The following MYLIP variants were observed in gnomAD, a reference collection of about 807,000 sequenced individuals.
The protein encoded by MYLIP is E3 ubiquitin-protein ligase MYLIP.
Under a neutral mutation model 45.8 loss-of-function variants are expected in MYLIP, and 26 were observed. The ratio of observed to expected loss-of-function variants is 0.57; its 90% CI spans 0.42 to 0.79. The LOEUF is 0.79. Ranked by LOEUF, MYLIP falls within the 30% of genes least tolerant of loss-of-function variation. The probability of loss-of-function intolerance (pLI) is 0.00; values close to 1 mark genes in which losing one functional copy is unlikely to be tolerated. For synonymous variants in MYLIP, 213 were observed against 218.1 expected, an observed-to-expected ratio of 0.98 and a Z score of 0.21; for missense variants, 494 against 555.6, an observed-to-expected ratio of 0.89 and a Z score of 1.11.
the MYLIP span, among the ~76,000 whole-genome samples, chr6:16,159,224 T>G: frequency 6.6e-6 from 1 of 152,196 alleles, no homozygotes; most frequent in Non-Finnish European, 1.5e-5. Flanking sequence ...ATTATAACAA[T>G]TTCCCAAGAG....
Position 16,143,841 on chromosome 6 carries a change from A to G in MYLIP, c.805A>G (p.Thr269Ala), listed in dbSNP as rs1318197221. ...GGCCAGCGGGCTCTACCGAGCGATA[A>G]CAGAGACGCACGCATTCTACAGGCA... is the stretch of plus-strand genomic sequence containing the variant. ...RAASGLYRAI[T>A]ETHAFYRCDT... Residue 269 changes from threonine to alanine, a missense_variant, in exon 5 of 7, where the codon ACA (threonine) becomes GCA (alanine). Physicochemically the swap from Thr to Ala is moderately conservative, Grantham distance 58. Coordinates refer to ENST00000356840, the MANE Select transcript of MYLIP (RefSeq NM_013262.4). 6.2e-7 allele frequency: 1 copy of G among 1,613,328 alleles called. No individual in the cohort carries two copies. The highest frequency in any genetic ancestry group is 8.5e-7 in the Non-Finnish European group (1 of 1,179,868).
the MYLIP span, among the ~76,000 whole-genome samples, chr6:16,157,768 T>G: frequency 6.6e-6 from 1 of 152,260 alleles, no homozygotes; most frequent in Non-Finnish European, 1.5e-5. Flanking sequence ...GCAGATGTGA[T>G]GGGGGCTGAG....
At chr6:16,154,843 G>A in the MYLIP span, among the ~76,000 whole-genome samples, 6 of 152,198 alleles carry the variant, frequency 3.9e-5, 2 homozygotes, top group Middle Eastern at 0.02. Context: ...CCATTTTACA[G>A]CAATATATGT....
At chr6:16,134,729 A>C (rs1759516854) in intron 2 of MYLIP, among the ~76,000 whole-genome samples, 1 of 152,236 alleles carries the variant, frequency 6.6e-6, no homozygotes, top group Non-Finnish European at 1.5e-5. Flanking sequence ...GGAAAGTAAA[A>C]ACAGTAAAAG....
chr6:16,146,605 A>G, intron 6 of MYLIP, 57 bp from the exon 7 acceptor site: 1 of 1,408,304 alleles, frequency 7.1e-7, no homozygotes. Context: ...GCACAGAGAC[A>G]CAGGCCCCCC....
At chr6:16,146,288 A>C (rs780797698) in intron 6 of MYLIP, among the ~76,000 whole-genome samples, 3 of 152,382 alleles carry the variant, frequency 2.0e-5, no homozygotes, top group East Asian at 3.9e-4. Flanking sequence ...AGCTAAGGAC[A>C]CACAATTTCA....
At chr6:16,146,034 T>C (rs1759783293) in intron 6 of MYLIP, among the ~76,000 whole-genome samples, 1 of 152,252 alleles carries the variant, frequency 6.6e-6, no homozygotes, top group South Asian at 2.1e-4. Flanking sequence ...AAGCTGCTAA[T>C]TTCAGAGCTA....
chr6:16,130,431 T>A, intron 1 of MYLIP, 126 bp from the exon 2 acceptor site: 2 of 921,460 alleles, frequency 2.2e-6, no homozygotes, highest in East Asian at 4.9e-5. Flanking sequence ...TTTTCCAGTT[T>A]AGATCAGGAA....
chr6:16,140,041 C>T (rs957230606), intron 2 of MYLIP, among the ~76,000 whole-genome samples: 2 of 152,202 alleles, frequency 1.3e-5, no homozygotes, highest in African/African-American at 4.8e-5. Flanking sequence ...ACTGCCTCCT[C>T]CTTAGTCGAT....
chr6:16,130,675 T>C lies in MYLIP; in HGVS notation c.206T>C (p.Leu69Pro). The C allele has an allele frequency of 6.2e-7, 1 of 1,614,222 alleles. No homozygotes were observed. Among genetic ancestry groups the C allele is most frequent in the Non-Finnish European group, 8.5e-7 (1 of 1,180,046 alleles). Residue 69 changes from leucine (L) to proline (P), a missense_variant, in exon 2 of 7, where the codon CTA becomes CCA. Transcript: ENST00000356840. ...CGGATCTCCCAGCAGATGGATGGGC[T>C]AGCCCCTTACAGGCTTAAACTTAGA... ...RNRISQQMDG[L>P]APYRLKLRVK...
chr6:16,146,317 G>T (rs1276908255), intron 6 of MYLIP, among the ~76,000 whole-genome samples: 1 of 152,234 alleles, frequency 6.6e-6, no homozygotes, highest in African/African-American at 2.4e-5. Flanking sequence ...CTCCTGCATT[G>T]CTGCCTGAAG....
At chr6:16,159,663 C>T in the MYLIP span, among the ~76,000 whole-genome samples, 1 of 152,176 alleles carries the variant, frequency 6.6e-6, no homozygotes, top group East Asian at 1.9e-4. Context: ...CATCCTGAAT[C>T]CAGCCAGTCC....
In MYLIP at chr6:16,129,810, G is replaced by T. The variant is rs1442989117; in HGVS notation, c.87+401G>T. Among the ~76,000 whole-genome samples, 1 of 152,244 alleles carries T rather than the reference G, an allele frequency of 6.6e-6. No individual in the cohort carries two copies. The highest frequency in any genetic ancestry group is 2.4e-5 in the African/African-American group (1 of 41,482). On this transcript the variant is annotated intron_variant, in intron 1 of 6. Transcript: ENST00000356840. This position sits in a 1 kb window ranked among gnomAD's most constrained non-coding sequence, Gnocchi z 5.1. ...CACCCGCGTGCCAGGATGGGATGGA[G>T]TGGCTCGAAGCAGTCTCGGGCCCCA...
chr6:16,141,096 G>A lies in MYLIP; in HGVS notation c.279-529G>A, dbSNP rs748945573. Among the ~76,000 whole-genome samples, 9 of 152,276 alleles carry A rather than the reference G, an allele frequency of 5.9e-5. No homozygotes were observed. In the South Asian group the frequency reaches 8.3e-4, roughly 14 times the overall value. ...CTTGGGAAAGAATATATGGAGTTTG[G>A]TTTTGAATGAGCCAAAATTGAGGTA... is the stretch of plus-strand genomic sequence containing the variant. On this transcript the variant is annotated intron_variant, in intron 2 of 6. Coordinates refer to ENST00000356840, the MANE Select transcript of MYLIP (RefSeq NM_013262.4).
rs762986029 is a variant in MYLIP, at chr6:16,143,133, G to C, written c.578G>C (p.Arg193Pro). 16 of 1,614,040 alleles carry C rather than the reference G, an allele frequency of 9.9e-6. No individual in the cohort carries two copies. The highest frequency in any genetic ancestry group is 1.4e-5 in the Non-Finnish European group (16 of 1,180,038). ...ENYGIEWHSVRDSEGQKLLIG... is the reference protein window; with the variant it reads ...ENYGIEWHSVPDSEGQKLLIG... ...TATGGCATAGAATGGCATTCTGTGC[G>C]GGATAGCGAAGGGCAGAAACTGCTC... The change falls in exon 4 of 7, where the codon CGG becomes CCG. Residue 193 changes from arginine (R) to proline (P), a missense_variant. Physicochemically the swap from Arg to Pro is moderately radical, Grantham distance 103 (BLOSUM62 -2). Coordinates refer to ENST00000356840, the MANE Select transcript of MYLIP (RefSeq NM_013262.4).
At chr6:16,156,447 G>T in the MYLIP span, among the ~76,000 whole-genome samples, 1 of 152,222 alleles carries the variant, frequency 6.6e-6, no homozygotes, top group Non-Finnish European at 1.5e-5. Flanking sequence ...AATGGCAGGA[G>T]AGTGAAGGTG....
chr6:16,145,305 C>A lies in MYLIP; in HGVS notation c.1236C>A (p.Ala412=). ...ACACTGTGTGCTGTGAGAGCTGCGC[C>A]GCCCAGCTACAGGTAGGGGAGTCAG... ...CGHTVCCESC[A]AQLQSCPVCR... The change falls in exon 6 of 7, where the codon GCC becomes GCA. Residue 412 remains alanine (A), a synonymous_variant. Coordinates refer to ENST00000356840, the MANE Select transcript of MYLIP (RefSeq NM_013262.4). 6.3e-7 allele frequency: 1 copy of A among 1,588,008 alleles called. No individual in the cohort carries two copies.
At chr6:16,141,256 G>A (rs1298953048) in intron 2 of MYLIP, among the ~76,000 whole-genome samples, 16 of 152,150 alleles carry the variant, frequency 1.1e-4, no homozygotes, top group Admixed American at 1.0e-3. Flanking sequence ...TTTATGTATA[G>A]AGTTCCTTAA....
intron 5 of MYLIP, 77 bp from the exon 6 acceptor site, chr6:16,144,820 G>A (rs1759750172): frequency 2.7e-6 from 4 of 1,483,740 alleles, no homozygotes; most frequent in African/African-American, 1.4e-5. Context: ...TGACATTTCT[G>A]TTCTTATTGA....
Sources: allele counts gnomAD v4.1 joint callset (sites outside exome capture counted in the v4.1 genomes callset), GRCh38; gene constraint gnomAD v4.1.1; non-coding constraint Gnocchi (gnomAD v3.1); transcripts MANE v1.5; gene names NCBI Gene and HGNC (gene_info 2026-07-23, HGNC 2026-07-21).